The following DHX37 variants were observed in gnomAD, a reference collection of about 807,000 sequenced individuals.
DHX37 encodes the protein probable ATP-dependent RNA helicase DHX37.
In DHX37, 52 loss-of-function variants were observed where a neutral mutation model predicts 134.3. That is an observed-to-expected ratio of 0.39 (90% CI 0.31 to 0.49). The LOEUF (loss-of-function observed/expected upper bound fraction) is 0.49. DHX37 is among the 20% of genes least tolerant of loss of function. The probability of loss-of-function intolerance (pLI) is 0.93; values close to 1 mark genes in which losing one functional copy is unlikely to be tolerated. For synonymous variants in DHX37, 634 were observed against 670.7 expected (o/e 0.95, Z 0.85); for missense variants, 1,344 against 1,580.8 (o/e 0.85, Z 2.54).
intron 8 of DHX37, among the ~76,000 whole-genome samples, chr12:124,969,673 G>A (rs940781569): frequency 6.6e-6 from 1 of 152,026 alleles, no homozygotes; most frequent in Admixed American, 6.6e-5. Flanking sequence ...TAACAGAAAT[G>A]GAAAACGACA....
At chr12:124,957,470 A>G (rs1954121888) in intron 16 of DHX37, among the ~76,000 whole-genome samples, 2 of 152,216 alleles carry the variant, frequency 1.3e-5, no homozygotes, top group Non-Finnish European at 2.9e-5. Flanking sequence ...AGGAGGGGCC[A>G]CAGGTAGTCA....
chr12:124,962,895 A>G (rs2135942814), intron 15 of DHX37, among the ~76,000 whole-genome samples: 1 of 152,290 alleles, frequency 6.6e-6, no homozygotes, highest in South Asian at 2.1e-4. Flanking sequence ...ACCCTCATTC[A>G]CTGTTGGTAG....
In DHX37 at chr12:124,947,750, G is replaced by A; in HGVS notation, c.*52C>T. The A allele has an allele frequency of 6.6e-7, 1 of 1,507,398 alleles. No homozygotes were observed. The highest frequency in any genetic ancestry group is 1.4e-5 in the South Asian group (1 of 73,742). 93.4% of individuals were successfully genotyped at this position (1,507,398 alleles called of 1,614,324 possible). A position where few individuals can be genotyped will look rare whatever the true frequency, so the allele number is the denominator to read the frequency against. On this transcript the variant is annotated 3_prime_UTR_variant, in exon 27 of 27. Coordinates refer to ENST00000308736, the MANE Select transcript of DHX37 (RefSeq NM_032656.4). ...CACGGTCGCACGGTGACAGGCTGCT[G>A]CCAGCCCTCCAGTCCCCAAACCAGT...
intron 4 of DHX37, among the ~76,000 whole-genome samples, chr12:124,978,202 C>T (rs945285796): frequency 2.0e-5 from 3 of 152,094 alleles, no homozygotes; most frequent in African/African-American, 7.2e-5. Flanking sequence ...CTCAGGTGAT[C>T]TGCCCACCTC....
At chr12:124,956,603 C>T in intron 18 of DHX37, 88 bp downstream of exon 18, 1 of 1,432,614 alleles carries the variant, frequency 7.0e-7, no homozygotes, top group Non-Finnish European at 9.2e-7. Flanking sequence ...ATTCTTCTAC[C>T]TCAGCCTCCT....
At position 124,968,413 on chromosome 12, in the gene DHX37, G is replaced by A. The variant is rs568807741; in HGVS notation, c.1408+121C>T. ...ACACTCTGGAATAAGTGAGGAAGCC[G>A]AGGCCTGGCAGGGTCAAGGGACTTT... On this transcript the variant is annotated intron_variant, in intron 10 of 26. Coordinates refer to ENST00000308736, the MANE Select transcript of DHX37 (RefSeq NM_032656.4). 89 of 1,496,696 alleles carry A rather than the reference G, an allele frequency of 5.9e-5. No individual in the cohort carries two copies. The African/African-American group carries it at 7.3e-4, about 12-fold the overall frequency. The allele number at this position is 1,496,696 out of a possible 1,614,324, so 92.7% of individuals were successfully genotyped here. A position where few individuals can be genotyped will look rare whatever the true frequency, so the allele number is the denominator to read the frequency against.
chr12:124,964,765 C>A, intron 14 of DHX37, 139 bp from the exon 15 acceptor site: 1 of 1,468,696 alleles, frequency 6.8e-7, no homozygotes, highest in Non-Finnish European at 9.1e-7. Context: ...GGGCCCAGTG[C>A]CTTGGGGGAG....
chr12:124,982,628 G>A lies in DHX37; in HGVS notation c.277-5C>T. On this transcript the variant is annotated splice_region_variant and splice_polypyrimidine_tract_variant and intron_variant, in intron 2 of 26. Transcript: ENST00000308736. ...CTTCTGTAGCATCTCTGCTCGCTGGGAAAGGAAACGAGTGTATTATGCATT... is the reference window on the plus strand; with the variant it reads ...CTTCTGTAGCATCTCTGCTCGCTGGAAAAGGAAACGAGTGTATTATGCATT... The A allele has an allele frequency of 2.5e-6, 4 of 1,612,548 alleles. No homozygotes were observed. Among genetic ancestry groups the A allele is most frequent in the Non-Finnish European group, 3.4e-6 (4 of 1,179,144 alleles).
Position 124,977,497 on chromosome 12 carries a change from G to A in DHX37, c.739-7C>T. The A allele has an allele frequency of 6.3e-7, 1 of 1,587,790 alleles. No individual in the cohort carries two copies. Among genetic ancestry groups the A allele is most frequent in the African/African-American group, 1.4e-5 (1 of 73,826 alleles). ...GGAGCTTCAGCCGTTCCTCCTGGAA[G>A]GAGAGGAAGTCAGCACTTAGGGAGC... On this transcript the variant is annotated splice_region_variant and splice_polypyrimidine_tract_variant and intron_variant, in intron 4 of 26. Coordinates refer to ENST00000308736, the MANE Select transcript of DHX37 (RefSeq NM_032656.4).
At chr12:124,979,980 T>C (rs901972412) in intron 4 of DHX37, among the ~76,000 whole-genome samples, 1 of 152,262 alleles carries the variant, frequency 6.6e-6, no homozygotes, top group Non-Finnish European at 1.5e-5. Context: ...CTACGTGGGC[T>C]GTGGGCTTTC....
Position 124,961,879 on chromosome 12 carries a change from G to A in DHX37, c.2046-1456C>T, listed in dbSNP as rs193237454. On this transcript the variant is annotated intron_variant, in intron 15 of 26. Transcript: ENST00000308736. Reference sequence around the variant, plus strand: ...ATTAGTCATTAGGGAAACATAAACCGAATCCACAATATGATACCACTTCAC... The same window carrying A: ...ATTAGTCATTAGGGAAACATAAACCAAATCCACAATATGATACCACTTCAC... Among the ~76,000 whole-genome samples, 286 of 152,124 alleles carry A rather than the reference G, an allele frequency of 1.9e-3. 1 individual carries two copies. Among genetic ancestry groups the A allele is most frequent in the Non-Finnish European group, 2.2e-3 (149 of 68,012 alleles).
intron 2 of DHX37, among the ~76,000 whole-genome samples, chr12:124,985,478 T>C (rs1954849107): frequency 6.6e-6 from 1 of 151,212 alleles, no homozygotes; most frequent in Non-Finnish European, 1.5e-5. Context: ...GGTTCACGCC[T>C]GTAATCCCAG....
intron 15 of DHX37, among the ~76,000 whole-genome samples, chr12:124,961,310 A>G (rs111947464): frequency 0.049 from 7,302 of 148,054 alleles, 648 homozygotes; most frequent in African/African-American, 0.18. Flanking sequence ...ACGCACGCAC[A>G]CACACTTACA....
rs751330476 is a variant in DHX37 at position 124,967,109 on chromosome 12, G to A, written c.1504+14C>T. 6.2e-7 allele frequency: 1 copy of A among 1,613,232 alleles called. No individual in the cohort carries two copies. On this transcript the variant is annotated intron_variant, in intron 11 of 26. Coordinates refer to ENST00000308736, the MANE Select transcript of DHX37 (RefSeq NM_032656.4). Reference sequence around the variant, plus strand: ...CTGCTCAGGGCAGAGTGCTGGTCGGGGCGTCCTCTTTACCTTGTGGCCGGG... The same window carrying A: ...CTGCTCAGGGCAGAGTGCTGGTCGGAGCGTCCTCTTTACCTTGTGGCCGGG...
chr12:124,986,673 T>C (rs1473008947), intron 1 of DHX37, among the ~76,000 whole-genome samples: 1 of 151,908 alleles, frequency 6.6e-6, no homozygotes, highest in Admixed American at 6.6e-5. Flanking sequence ...ATCTTGCCAC[T>C]GCACTCCAGC....
intron 2 of DHX37, among the ~76,000 whole-genome samples, chr12:124,984,098 A>G (rs1005866362): frequency 6.6e-6 from 1 of 152,240 alleles, no homozygotes; most frequent in African/African-American, 2.4e-5. Flanking sequence ...AAGTTGTCAC[A>G]GCCCAAAATG....
At chr12:124,961,751 T>C (rs1954270293) in intron 15 of DHX37, among the ~76,000 whole-genome samples, 1 of 152,078 alleles carries the variant, frequency 6.6e-6, no homozygotes, top group Admixed American at 6.6e-5. Flanking sequence ...AGATCAATAA[T>C]AAAAGGACAA....
intron 15 of DHX37, among the ~76,000 whole-genome samples, chr12:124,961,847 G>A (rs4765191): frequency 0.37 from 55,954 of 151,968 alleles, 10,717 homozygotes; most frequent in East Asian, 0.64. Flanking sequence ...CATGAAAAGA[G>A]GCCTTCATTA....
chr12:124,982,845 C>T lies in DHX37; in HGVS notation c.277-222G>A, dbSNP rs76023880. 3.1e-3 allele frequency among the ~76,000 whole-genome samples: 472 copies of T among 152,242 alleles called. 3 individuals are homozygous for T. The highest frequency in any genetic ancestry group is 0.011 in the African/African-American group (442 of 41,542). On this transcript the variant is annotated intron_variant, in intron 2 of 26. Coordinates refer to ENST00000308736, the MANE Select transcript of DHX37 (RefSeq NM_032656.4). ...AATCTGGGGTTGTATAAATGAGGTTCTCTGCAGCAGGGTATCACAGTAGAA... is the reference window on the plus strand; with the variant it reads ...AATCTGGGGTTGTATAAATGAGGTTTTCTGCAGCAGGGTATCACAGTAGAA...
Sources: allele counts gnomAD v4.1 joint callset (sites outside exome capture counted in the v4.1 genomes callset), GRCh38; gene constraint gnomAD v4.1.1; transcripts MANE v1.5; gene names NCBI Gene and HGNC (gene_info 2026-07-23, HGNC 2026-07-21).